Variants in SYNPO2 observed in about 807,000 individuals in gnomAD.
SYNPO2 encodes synaptopodin 2.
SYNPO2 carries 56 observed loss-of-function variants against 85.0 expected under a neutral mutation model. The ratio of observed to expected loss-of-function variants is 0.66; its 90% CI spans 0.53 to 0.82. SYNPO2 has a LOEUF of 0.82. SYNPO2 is among the 40% of genes least tolerant of loss of function. The pLI is 0.00. For synonymous variants in SYNPO2, 602 were observed against 591.1 expected, an observed-to-expected ratio of 1.02 and a Z score of -0.27; for missense variants, 1,575 against 1,534.2, an observed-to-expected ratio of 1.03 and a Z score of -0.44.
chr4:118,999,057 C>CCT (rs1560961967), intron 1 of SYNPO2, among the ~76,000 whole-genome samples: 1 of 152,208 alleles, frequency 6.6e-6, no homozygotes, highest in African/African-American at 2.4e-5. Context: ...GATTTAACAG[C>CCT]CTTTACCTCT....
rs549815272 is a variant in SYNPO2 at position 119,060,993 on chromosome 4, A to G, written c.*3059A>G. The G allele has an allele frequency of 3.9e-5, 6 of 152,280 alleles. No homozygotes were observed. The South Asian group carries it at 1.2e-3, about 32-fold the overall frequency. The allele number at this position is 152,280 out of a possible 1,614,324, so 9.4% of individuals were successfully genotyped here. On this transcript the variant is annotated 3_prime_UTR_variant, in exon 5 of 5. Transcript: ENST00000307142. ...ATATGCAAAAAAAAAAAGTTATATC[A>G]AACAGGCACAGTTATTACAACTAGA...
At chr4:119,002,471 G>A (rs1320704270) in intron 1 of SYNPO2, among the ~76,000 whole-genome samples, 1 of 152,168 alleles carries the variant, frequency 6.6e-6, no homozygotes, top group Non-Finnish European at 1.5e-5. Context: ...ATGTTGGCCA[G>A]GCTGGTCTCG....
intron 1 of SYNPO2, among the ~76,000 whole-genome samples, chr4:118,901,269 C>A (rs538580111): frequency 2.4e-3 from 360 of 152,206 alleles, no homozygotes; most frequent in Admixed American, 6.8e-3. Context: ...GTTGAAAAAA[C>A]AAATCCAGAA....
intron 1 of SYNPO2, among the ~76,000 whole-genome samples, chr4:118,855,654 C>A (rs1731492990): frequency 1.3e-5 from 2 of 151,996 alleles, no homozygotes; most frequent in African/African-American, 2.4e-5. Flanking sequence ...AATAATTAGA[C>A]TATAGTAAAA....
intron 1 of SYNPO2, among the ~76,000 whole-genome samples, chr4:118,948,513 A>C (rs1331384899): frequency 3.3e-5 from 5 of 152,172 alleles, no homozygotes; most frequent in East Asian, 1.9e-4. Context: ...AGGCTGGATA[A>C]TTTATAAAGA....
At chr4:118,870,561 G>T (rs1731783084) in intron 1 of SYNPO2, among the ~76,000 whole-genome samples, 1 of 152,162 alleles carries the variant, frequency 6.6e-6, no homozygotes, top group African/African-American at 2.4e-5. Context: ...CCAGTAATGG[G>T]ATTGCTGGGT....
intron 1 of SYNPO2, among the ~76,000 whole-genome samples, chr4:118,862,098 T>C (rs1255873769): frequency 6.6e-6 from 1 of 152,220 alleles, no homozygotes; most frequent in East Asian, 1.9e-4. Flanking sequence ...TTGTAGCTAT[T>C]GTAAATGAGA....
At chr4:118,926,088 A>G (rs1733702490) in intron 1 of SYNPO2, among the ~76,000 whole-genome samples, 1 of 152,104 alleles carries the variant, frequency 6.6e-6, no homozygotes. Flanking sequence ...GAGCATGCCA[A>G]TTTGCAGTGA....
intron 1 of SYNPO2, among the ~76,000 whole-genome samples, chr4:118,897,328 G>A (rs1732582864): frequency 6.6e-6 from 1 of 152,098 alleles, no homozygotes; most frequent in Non-Finnish European, 1.5e-5. Context: ...CAACATGTGA[G>A]GATTGCAATT....
intron 1 of SYNPO2, among the ~76,000 whole-genome samples, chr4:118,998,213 C>T (rs891336425): frequency 6.6e-6 from 1 of 152,152 alleles, no homozygotes; most frequent in Non-Finnish European, 1.5e-5. Context: ...TGGTCATATT[C>T]TAAATTTTGC....
chr4:118,988,876 A>G (rs1326088124), intron 1 of SYNPO2, among the ~76,000 whole-genome samples: 1 of 152,178 alleles, frequency 6.6e-6, no homozygotes. Context: ...GAATCGCTTC[A>G]GACTTGAGGG....
At chr4:118,896,411 A>G (rs1332870151) in intron 1 of SYNPO2, among the ~76,000 whole-genome samples, 1 of 152,230 alleles carries the variant, frequency 6.6e-6, no homozygotes, top group Non-Finnish European at 1.5e-5. Flanking sequence ...CAGATTCGTG[A>G]TGAAACTGAA....
In SYNPO2 at chr4:119,033,408, C is replaced by T. The variant is rs1738368893; in HGVS notation, c.3252+1381C>T. The T allele has an allele frequency of 6.1e-6, 6 of 985,292 alleles. No homozygotes were observed. In the South Asian group the frequency reaches 1.9e-4, roughly 31 times the overall value. The allele number at this position is 985,292 out of a possible 1,614,324, so 61.0% of individuals were successfully genotyped here. On this transcript the variant is annotated intron_variant, in intron 4 of 4. Transcript: ENST00000307142. ...GGCCACACACCATGTTGTCACCCAG[C>T]TGGCTATGAAGTGAATAATGGTACT...
chr4:118,969,481 GCTGCT>G (rs565733058), intron 1 of SYNPO2, among the ~76,000 whole-genome samples: 248 of 152,290 alleles, frequency 1.6e-3, no homozygotes, highest in African/African-American at 5.9e-3. Context: ...ACTGCCCTCT[GCTGCT>G]CTGAGGAGGT....
intron 1 of SYNPO2, among the ~76,000 whole-genome samples, chr4:118,915,167 G>A (rs562432496): frequency 6.6e-6 from 1 of 151,978 alleles, no homozygotes; most frequent in South Asian, 2.1e-4. Context: ...ATAATTCTTA[G>A]TTCATAGCAC....
At chr4:118,950,548 A>T (rs67109496) in intron 1 of SYNPO2, among the ~76,000 whole-genome samples, 30,653 of 152,120 alleles carry the variant, frequency 0.2, 3,189 homozygotes, top group East Asian at 0.26. Context: ...GGGTTATAAG[A>T]ATGGTCCCCA....
intron 1 of SYNPO2, among the ~76,000 whole-genome samples, chr4:118,971,361 A>C (rs867895264): frequency 3.3e-5 from 5 of 152,200 alleles, no homozygotes; most frequent in Non-Finnish European, 1.5e-5. Context: ...GGACTGGGCA[A>C]CTATCTCAAA....
At chr4:118,981,914 AC>A (rs1189975218) in intron 1 of SYNPO2, among the ~76,000 whole-genome samples, 2 of 152,052 alleles carry the variant, frequency 1.3e-5, no homozygotes, top group African/African-American at 2.4e-5. Flanking sequence ...CTGGACGGAA[AC>A]CCAGTTTGCG....
chr4:118,967,753 A>G (rs1484435819), intron 1 of SYNPO2, among the ~76,000 whole-genome samples: 1 of 152,196 alleles, frequency 6.6e-6, no homozygotes, highest in Admixed American at 6.5e-5. Context: ...TTAAGAAATC[A>G]TAAGATATAC....
Sources: allele counts gnomAD v4.1 joint callset (sites outside exome capture counted in the v4.1 genomes callset), GRCh38; gene constraint gnomAD v4.1.1; transcripts MANE v1.5; gene names NCBI Gene and HGNC (gene_info 2026-07-23, HGNC 2026-07-21).